PIP5K1B: variants seen among roughly 807,000 people sequenced by gnomAD.
PIP5K1B encodes the protein phosphatidylinositol 4-phosphate 5-kinase type-1 beta.
PIP5K1B carries 42 observed loss-of-function variants against 67.0 expected under a neutral mutation model. The observed-to-expected ratio is 0.63, with a 90% CI of 0.49 to 0.81. The LOEUF is 0.81. PIP5K1B is among the 30% of genes least tolerant of loss of function. The pLI is 0.00. For missense variants in PIP5K1B, 459 were observed against 646.3 expected (o/e 0.71, Z 3.14); for synonymous variants, 214 against 231.4 (o/e 0.92, Z 0.68).
intron 2 of PIP5K1B, among the ~76,000 whole-genome samples, chr9:68,811,579 C>T (rs1368735784): frequency 6.6e-6 from 1 of 152,148 alleles, no homozygotes; most frequent in African/African-American, 2.4e-5. Context: ...CAGTCAACCC[C>T]CGTCCTGATG....
At chr9:68,751,506 A>G (rs537278785) in intron 2 of PIP5K1B, among the ~76,000 whole-genome samples, 70 of 152,332 alleles carry the variant, frequency 4.6e-4, no homozygotes, top group African/African-American at 1.6e-3. Flanking sequence ...AGATGAGAGA[A>G]TAGAGGCAGG....
intron 14 of PIP5K1B, among the ~76,000 whole-genome samples, chr9:68,949,733 C>A (rs1290794945): frequency 6.6e-6 from 1 of 152,148 alleles, no homozygotes; most frequent in Non-Finnish European, 1.5e-5. Flanking sequence ...ATCGGGCAGC[C>A]CCCAGAATCA....
intron 2 of PIP5K1B, among the ~76,000 whole-genome samples, chr9:68,800,385 G>A (rs1257718468): frequency 6.6e-6 from 1 of 152,228 alleles, no homozygotes; most frequent in African/African-American, 2.4e-5. Context: ...ATGCACAGGT[G>A]TTTGTTAAAT....
intron 4 of PIP5K1B, 38 bp downstream of exon 4, chr9:68,822,721 T>A: frequency 7.0e-7 from 1 of 1,419,670 alleles, no homozygotes; most frequent in Non-Finnish European, 9.9e-7. Flanking sequence ...GGAACACCGT[T>A]TTGCTGTTTG....
intron 12 of PIP5K1B, among the ~76,000 whole-genome samples, chr9:68,929,446 A>T (rs1014112874): frequency 1.3e-5 from 2 of 152,016 alleles, no homozygotes; most frequent in African/African-American, 4.8e-5. Flanking sequence ...CTCCTCAACG[A>T]TCTGTCTCTC....
At chr9:68,983,313 C>A (rs574385447) in intron 14 of PIP5K1B, among the ~76,000 whole-genome samples, 27 of 152,238 alleles carry the variant, frequency 1.8e-4, no homozygotes, top group Non-Finnish European at 1.3e-4. Flanking sequence ...AGGTGTCTGT[C>A]CCCACCCAGG....
chr9:68,718,110 C>A (rs566735699), intron 1 of PIP5K1B, among the ~76,000 whole-genome samples: 1 of 152,302 alleles, frequency 6.6e-6, no homozygotes, highest in Admixed American at 6.5e-5. Context: ...AGTGCTCTGT[C>A]CACTCCTATG....
In PIP5K1B at chr9:69,008,587, A is replaced by C. The variant is rs760868116; in HGVS notation, c.*138A>C. 2.5e-6 allele frequency: 2 copies of C among 813,192 alleles called. No individual in the cohort carries two copies. Among genetic ancestry groups the C allele is most frequent in the Non-Finnish European group, 4.3e-6 (2 of 464,430 alleles). 50.4% of individuals were successfully genotyped at this position (813,192 alleles called of 1,614,324 possible). A position where few individuals can be genotyped will look rare whatever the true frequency, so the allele number is the denominator to read the frequency against. On this transcript the variant is annotated 3_prime_UTR_variant, in exon 16 of 16. Transcript: ENST00000265382. ...AGAGAAATCATCAACCTGACTTAAG[A>C]GTTTTCAAGATGTCAACTTCAGGCT...
At chr9:68,804,120 G>T (rs569483311) in intron 2 of PIP5K1B, among the ~76,000 whole-genome samples, 1 of 152,150 alleles carries the variant, frequency 6.6e-6, no homozygotes, top group African/African-American at 2.4e-5. Flanking sequence ...GAGCATAAAG[G>T]GAGTGGGATG....
At position 68,705,278 on chromosome 9, in the gene PIP5K1B, G is replaced by C. The variant is rs2132220651; in HGVS notation, c.-727G>C. On this transcript the variant is annotated 5_prime_UTR_variant, in exon 1 of 16. Coordinates refer to ENST00000265382, the MANE Select transcript of PIP5K1B (RefSeq NM_003558.4). The stretch of plus-strand genomic sequence containing the variant: ...GCTCCGACTCCGGCGCGCACCAAGC[G>C]GGAACCCGCGCCCGAGCCCGGCGGG... 1 of 151,824 alleles carries C rather than the reference G, an allele frequency of 6.6e-6. No homozygotes were observed. The highest frequency in any genetic ancestry group is 1.5e-5 in the Non-Finnish European group (1 of 67,882). The allele number at this position is 151,824 out of a possible 1,614,324, so 9.4% of individuals were successfully genotyped here.
chr9:68,786,227 G>A lies in PIP5K1B; in HGVS notation c.-85-32234G>A, dbSNP rs569503492. 9 of 152,210 alleles carry A rather than the reference G, an allele frequency of 5.9e-5. No homozygotes were observed. In the East Asian group the frequency reaches 1.4e-3, roughly 23 times the overall value. The allele number at this position is 152,210 out of a possible 1,614,324, so 9.4% of individuals were successfully genotyped here. A position where few individuals can be genotyped will look rare whatever the true frequency, so the allele number is the denominator to read the frequency against. On this transcript the variant is annotated intron_variant, in intron 2 of 15. Transcript: ENST00000265382. ...AGGAAGTGATAAATGGCCTGATAAC[G>A]TGAGTTTTTGCCAGTAATAATAATA...
intron 4 of PIP5K1B, among the ~76,000 whole-genome samples, chr9:68,861,754 A>C (rs995276316): frequency 2.6e-5 from 4 of 152,114 alleles, no homozygotes; most frequent in African/African-American, 9.7e-5. Context: ...TTGAGTTTTT[A>C]TGCAAGGTTA....
chr9:68,927,103 A>C (rs1365572849), intron 12 of PIP5K1B, among the ~76,000 whole-genome samples: 1 of 152,188 alleles, frequency 6.6e-6, no homozygotes, highest in East Asian at 1.9e-4. Flanking sequence ...CGTAGCATGT[A>C]CCAGTAATTT....
At chr9:68,899,774 T>A (rs1825269992) in intron 8 of PIP5K1B, among the ~76,000 whole-genome samples, 1 of 152,232 alleles carries the variant, frequency 6.6e-6, no homozygotes, top group African/African-American at 2.4e-5. Context: ...CTTTCCAACT[T>A]TTATTTTAAG....
At chr9:69,001,710 G>A (rs1317420010) in intron 15 of PIP5K1B, among the ~76,000 whole-genome samples, 7 of 151,878 alleles carry the variant, frequency 4.6e-5, no homozygotes, top group Admixed American at 3.3e-4. Flanking sequence ...TGAATCAATC[G>A]CCTCCCACCA....
Position 68,889,023 on chromosome 9 carries a change from G to A in PIP5K1B, c.361G>A (p.Gly121Arg), listed in dbSNP as rs746394357. The change falls in exon 7 of 16, where the codon GGA becomes AGA. Residue 121 changes from glycine (G) to arginine (R), a missense_variant. By Grantham distance (125) the Gly-to-Arg change is moderately radical. Transcript: ENST00000265382. Reference protein sequence around the residue: ...SEPLIELSNPGASGSLFFVTS... With the variant: ...SEPLIELSNPRASGSLFFVTS... ...ACCTCTAATAGAACTGTCTAACCCTGGAGCCAGTGGATCCTTGTTTTTTGT... is the reference window on the plus strand; with the variant it reads ...ACCTCTAATAGAACTGTCTAACCCTAGAGCCAGTGGATCCTTGTTTTTTGT... 6.2e-7 allele frequency: 1 copy of A among 1,611,296 alleles called. No homozygotes were observed. The highest frequency in any genetic ancestry group is 1.7e-5 in the Admixed American group (1 of 60,014).
At chr9:68,946,419 CAG>C (rs1308199498) in intron 14 of PIP5K1B, among the ~76,000 whole-genome samples, 8 of 151,462 alleles carry the variant, frequency 5.3e-5, no homozygotes, top group African/African-American at 1.7e-4. Context: ...TTTTTTGAGA[CAG>C]AGTCTCTGTC....
chr9:68,780,393 C>G (rs769949201), intron 2 of PIP5K1B: 2 of 1,613,866 alleles, frequency 1.2e-6, no homozygotes, highest in Non-Finnish European at 1.7e-6. Context: ...GCCGGCCTCC[C>G]CTGTCCGCAT....
intron 1 of PIP5K1B, among the ~76,000 whole-genome samples, chr9:68,713,440 T>G (rs531007185): frequency 6.6e-6 from 1 of 152,120 alleles, no homozygotes; most frequent in Non-Finnish European, 1.5e-5. Flanking sequence ...AGATGAACTC[T>G]ATGGATGGAG....
Sources: allele counts gnomAD v4.1 joint callset (sites outside exome capture counted in the v4.1 genomes callset), GRCh38; gene constraint gnomAD v4.1.1; transcripts MANE v1.5; gene names NCBI Gene and HGNC (gene_info 2026-07-23, HGNC 2026-07-21).